CCDC91: variants seen among roughly 807,000 people sequenced by gnomAD.
The protein encoded by CCDC91 is coiled-coil domain-containing protein 91.
Under a neutral mutation model 63.2 loss-of-function variants are expected in CCDC91, and 48 were observed. The ratio of observed to expected loss-of-function variants is 0.76; its 90% CI spans 0.60 to 0.97. The LOEUF (loss-of-function observed/expected upper bound fraction) is 0.97. Among genes scored for constraint, CCDC91 ranks in the 50% least tolerant of loss-of-function variants. The pLI is 0.00. For missense variants in CCDC91, 500 were observed against 494.6 expected (o/e 1.01, Z -0.10); for synonymous variants, 167 against 165.8 (o/e 1.01, Z -0.06).
At chr12:28,298,761 T>A (rs1427114837) in intron 3 of CCDC91, among the ~76,000 whole-genome samples, 1 of 140,072 alleles carries the variant, frequency 7.1e-6, no homozygotes. Context: ...AACAAAAAAT[T>A]GTGTGTGCTT....
intron 1 of CCDC91, among the ~76,000 whole-genome samples, chr12:28,233,879 T>C (rs892386193): frequency 1.3e-5 from 2 of 152,134 alleles, no homozygotes; most frequent in African/African-American, 4.8e-5. Flanking sequence ...GTCAAATATG[T>C]ATTGCTTAAC....
intron 11 of CCDC91, among the ~76,000 whole-genome samples, chr12:28,478,576 C>G (rs76229369): frequency 6.6e-6 from 1 of 151,958 alleles, no homozygotes; most frequent in Non-Finnish European, 1.5e-5. Flanking sequence ...TTTAAAACAC[C>G]GAAAGCAATG....
intron 6 of CCDC91, among the ~76,000 whole-genome samples, chr12:28,319,022 A>G (rs1427085846): frequency 6.6e-6 from 1 of 152,002 alleles, no homozygotes; most frequent in Non-Finnish European, 1.5e-5. Context: ...CACCTAATTC[A>G]GAAATCTTAA....
chr12:28,314,721 G>A (rs535387403), intron 6 of CCDC91, among the ~76,000 whole-genome samples: 3 of 152,102 alleles, frequency 2.0e-5, no homozygotes, highest in Admixed American at 1.3e-4. Flanking sequence ...TGGAATGTGT[G>A]TAAAAAATGA....
intron 12 of CCDC91, among the ~76,000 whole-genome samples, chr12:28,523,218 T>G (rs1296048379): frequency 2.0e-5 from 3 of 152,174 alleles, no homozygotes; most frequent in African/African-American, 7.2e-5. Flanking sequence ...TAAGTCTCTT[T>G]GTAGGTCTCT....
intron 6 of CCDC91, among the ~76,000 whole-genome samples, chr12:28,330,372 A>G (rs1238662557): frequency 6.6e-6 from 1 of 151,470 alleles, no homozygotes; most frequent in Non-Finnish European, 1.5e-5. Context: ...ACCAGTAATG[A>G]TGGGCATTTT....
chr12:28,265,996 A>G (rs1229826634), intron 3 of CCDC91, among the ~76,000 whole-genome samples: 2 of 151,988 alleles, frequency 1.3e-5, no homozygotes, highest in Admixed American at 1.3e-4. Context: ...TTTGTCACAT[A>G]TCTTCTTTTT....
At chr12:28,503,737 A>G (rs1302161720) in intron 12 of CCDC91, among the ~76,000 whole-genome samples, 1 of 152,196 alleles carries the variant, frequency 6.6e-6, no homozygotes, top group Non-Finnish European at 1.5e-5. Flanking sequence ...CATATACACC[A>G]TGGAATACTA....
At chr12:28,329,590 T>C (rs1351994952) in intron 6 of CCDC91, among the ~76,000 whole-genome samples, 1 of 152,122 alleles carries the variant, frequency 6.6e-6, no homozygotes, top group African/African-American at 2.4e-5. Flanking sequence ...TTATAAATTG[T>C]CAGATATTAA....
intron 12 of CCDC91, among the ~76,000 whole-genome samples, chr12:28,535,643 T>G (rs1478625941): frequency 2.6e-5 from 4 of 152,228 alleles, no homozygotes; most frequent in Admixed American, 6.5e-5. Flanking sequence ...TTCAGTACAG[T>G]AGAAATGATG....
At chr12:28,244,870 CA>C (rs142737936) in intron 1 of CCDC91, among the ~76,000 whole-genome samples, 124 of 129,262 alleles carry the variant, frequency 9.6e-4, no homozygotes, top group Admixed American at 1.2e-3. Context: ...AACTCTGTCT[CA>C]AAAAAAAAAA....
intron 7 of CCDC91, among the ~76,000 whole-genome samples, chr12:28,389,074 G>A (rs1489277362): frequency 6.6e-6 from 1 of 152,180 alleles, no homozygotes; most frequent in African/African-American, 2.4e-5. Flanking sequence ...ACGACCCACA[G>A]AGTGGGAGAA....
chr12:28,326,173 A>G (rs1343694385), intron 6 of CCDC91, among the ~76,000 whole-genome samples: 2 of 152,020 alleles, frequency 1.3e-5, no homozygotes, highest in Non-Finnish European at 2.9e-5. Flanking sequence ...CATTATATAC[A>G]TGATGCTGAG....
intron 7 of CCDC91, among the ~76,000 whole-genome samples, chr12:28,384,904 G>T (rs1331296788): frequency 6.6e-6 from 1 of 151,860 alleles, no homozygotes; most frequent in Non-Finnish European, 1.5e-5. Context: ...CTCTCTTTTT[G>T]AATAATAAAC....
At chr12:28,469,152 A>T (rs150732592) in intron 11 of CCDC91, among the ~76,000 whole-genome samples, 1 of 151,732 alleles carries the variant, frequency 6.6e-6, no homozygotes, top group Admixed American at 6.6e-5. Flanking sequence ...AATTATAATT[A>T]TTTTTTTTGC....
At chr12:28,520,423 A>AT (rs1490605038) in intron 12 of CCDC91, among the ~76,000 whole-genome samples, 3 of 151,546 alleles carry the variant, frequency 2.0e-5, no homozygotes, top group Admixed American at 6.6e-5. Context: ...GGGATGTTTG[A>AT]TTTTTTCTTG....
At chr12:28,407,846 T>C (rs1373376718) in intron 8 of CCDC91, among the ~76,000 whole-genome samples, 1 of 152,002 alleles carries the variant, frequency 6.6e-6, no homozygotes, top group Non-Finnish European at 1.5e-5. Context: ...TATTTTTCAA[T>C]GTTAGTTTAA....
At chr12:28,522,151 A>C (rs537568689) in intron 12 of CCDC91, among the ~76,000 whole-genome samples, 6 of 152,148 alleles carry the variant, frequency 3.9e-5, no homozygotes, top group East Asian at 1.9e-4. Context: ...GGAATGGTAC[A>C]AGCTCCTCCT....
At chr12:28,430,197 TA>T (rs1490407085) in intron 8 of CCDC91, among the ~76,000 whole-genome samples, 3 of 152,020 alleles carry the variant, frequency 2.0e-5, no homozygotes, top group African/African-American at 7.2e-5. Flanking sequence ...ATGATTTTTA[TA>T]AAGGTCAAGG....
Sources: gnomAD v4.1 joint callset for allele counts (sites outside exome capture counted in the v4.1 genomes callset) on GRCh38, gnomAD v4.1.1 for gene constraint, MANE v1.5 for transcripts, NCBI Gene and HGNC (gene_info 2026-07-23, HGNC 2026-07-21) for gene names.